ST3GAL3: variants seen among roughly 807,000 people sequenced by gnomAD.
ST3GAL3 encodes CMP-N-acetylneuraminate-beta-1,4-galactoside alpha-2,3-sialyltransferase.
In ST3GAL3, 21 loss-of-function variants were observed where a neutral mutation model predicts 50.1. That is an observed-to-expected ratio of 0.42 (90% CI 0.30 to 0.60). The LOEUF (loss-of-function observed/expected upper bound fraction) is 0.60. Among genes scored for constraint, ST3GAL3 ranks in the 20% least tolerant of loss-of-function variants. The pLI is 0.19. For synonymous variants in ST3GAL3, 183 were observed against 190.0 expected, an observed-to-expected ratio of 0.96 and a Z score of 0.30; for missense variants, 353 against 489.4, an observed-to-expected ratio of 0.72 and a Z score of 2.63.
chr1:43,742,342 A>G (rs905345427), intron 2 of ST3GAL3, among the ~76,000 whole-genome samples: 3 of 152,222 alleles, frequency 2.0e-5, no homozygotes, highest in Non-Finnish European at 4.4e-5. Context: ...AACCCCCAGC[A>G]AGACAGATTT....
At chr1:43,926,554 G>GAGGTTGCAGTGAGCCA (rs2083985464) in intron 11 of ST3GAL3, among the ~76,000 whole-genome samples, 1 of 151,818 alleles carries the variant, frequency 6.6e-6, no homozygotes, top group Non-Finnish European at 1.5e-5. Flanking sequence ...GCAGTGAGCC[G>GAGGTTGCAGTGAGCCA]AGATTGCACC....
intron 4 of ST3GAL3, among the ~76,000 whole-genome samples, chr1:43,820,110 A>C (rs2061902511): frequency 6.6e-6 from 1 of 152,196 alleles, no homozygotes; most frequent in African/African-American, 2.4e-5. Context: ...AAAAACAGAC[A>C]CATAGACCAA....
At chr1:43,895,262 A>G (rs1013701414) in intron 6 of ST3GAL3, among the ~76,000 whole-genome samples, 3 of 152,042 alleles carry the variant, frequency 2.0e-5, no homozygotes, top group African/African-American at 7.2e-5. Context: ...ATCCTGTCCA[A>G]GGCTAACCTT....
At chr1:43,882,226 A>G (rs188875906) in intron 5 of ST3GAL3, among the ~76,000 whole-genome samples, 15 of 152,312 alleles carry the variant, frequency 9.8e-5, no homozygotes, top group Admixed American at 9.2e-4. Flanking sequence ...GTGAATGATA[A>G]GGAGACGAGA....
chr1:43,905,540 C>T (rs1170759661), intron 9 of ST3GAL3, among the ~76,000 whole-genome samples: 3 of 134,158 alleles, frequency 2.2e-5, no homozygotes, highest in Admixed American at 2.2e-4. Flanking sequence ...TTTCCTCCCC[C>T]TCCTTCTGCT....
At chr1:43,761,868 G>A (rs1254127159) in intron 2 of ST3GAL3, among the ~76,000 whole-genome samples, 1 of 148,638 alleles carries the variant, frequency 6.7e-6, no homozygotes, top group African/African-American at 2.5e-5. Context: ...GGAGAATAGC[G>A]TGAACCCAGG....
chr1:43,739,662 T>C (rs1242238624), intron 2 of ST3GAL3, among the ~76,000 whole-genome samples: 1 of 152,204 alleles, frequency 6.6e-6, no homozygotes, highest in African/African-American at 2.4e-5. Context: ...AACACAACAA[T>C]TATTATAATA....
At chr1:43,834,990 G>A (rs951430083) in intron 4 of ST3GAL3, among the ~76,000 whole-genome samples, 16 of 152,134 alleles carry the variant, frequency 1.1e-4, no homozygotes, top group South Asian at 4.1e-4. Context: ...GAGTGGAAGC[G>A]TCTGGTTCCT....
chr1:43,930,562 AG>A lies in ST3GAL3; in HGVS notation c.*347del, dbSNP rs557454654. 21 of 411,638 alleles carry A rather than the reference AG, an allele frequency of 5.1e-5. No homozygotes were observed. The highest frequency in any genetic ancestry group is 3.9e-4 in the South Asian group (17 of 43,220). 25.5% of individuals were successfully genotyped at this position (411,638 alleles called of 1,614,324 possible). A position where few individuals can be genotyped will look rare whatever the true frequency, so the allele number is the denominator to read the frequency against. On this transcript the variant is annotated 3_prime_UTR_variant, in exon 12 of 12. Coordinates refer to ENST00000347631, the MANE Select transcript of ST3GAL3 (RefSeq NM_006279.5). Reference sequence around the variant, plus strand: ...GTATTATCATTTTGTGAATTTGGGTAGGGGGGAGGGTAGGGATAATTTATTT... The same window carrying A: ...GTATTATCATTTTGTGAATTTGGGTAGGGGGAGGGTAGGGATAATTTATTT...
At chr1:43,914,313 G>A (rs889057256) in intron 9 of ST3GAL3, 2 of 152,064 alleles carry the variant, frequency 1.3e-5, no homozygotes, top group African/African-American at 2.4e-5. Context: ...TCACCATTCT[G>A]GGCCTTAGTC....
At position 43,910,918 on chromosome 1, in the gene ST3GAL3, G is replaced by A. The variant is rs137930518; in HGVS notation, c.745-9486G>A. 4.0e-4 allele frequency among the ~76,000 whole-genome samples: 61 copies of A among 152,300 alleles called. No homozygotes were observed. The East Asian group carries it at 0.011, about 26-fold the overall frequency. ...TGAAGAGGAATATGCAGAGCCAAGA[G>A]GGATGTGCCCACCCCAGGTCCATCT... On this transcript the variant is annotated intron_variant, in intron 9 of 11. Coordinates refer to ENST00000347631, the MANE Select transcript of ST3GAL3 (RefSeq NM_006279.5).
chr1:43,922,024 T>G, intron 11 of ST3GAL3: 1 of 315,704 alleles, frequency 3.2e-6, no homozygotes. Flanking sequence ...TCACTCACCA[T>G]TCTCTCACAT....
At chr1:43,838,130 AG>A in intron 4 of ST3GAL3, 88 bp from the exon 5 acceptor site, 1 of 721,626 alleles carries the variant, frequency 1.4e-6, no homozygotes, top group Non-Finnish European at 2.3e-6. Flanking sequence ...AAAAAAAAAA[AG>A]GGTTAAACAC....
chr1:43,748,802 TAAGTG>T (rs1304800504), intron 2 of ST3GAL3, among the ~76,000 whole-genome samples: 4 of 152,118 alleles, frequency 2.6e-5, no homozygotes, highest in Non-Finnish European at 4.4e-5. Context: ...CTCCTGGCCT[TAAGTG>T]AAGATCCTCA....
chr1:43,853,043 T>G (rs1353573250), intron 5 of ST3GAL3, among the ~76,000 whole-genome samples: 3 of 152,252 alleles, frequency 2.0e-5, no homozygotes, highest in East Asian at 1.9e-4. Context: ...AAAACCTAAA[T>G]TGACACATAA....
chr1:43,901,697 GAGGCAC>G (rs2078298965), intron 9 of ST3GAL3, among the ~76,000 whole-genome samples: 1 of 152,184 alleles, frequency 6.6e-6, no homozygotes, highest in Non-Finnish European at 1.5e-5. Context: ...ATTGCAGGAC[GAGGCAC>G]AGGCACAGGC....
intron 3 of ST3GAL3, among the ~76,000 whole-genome samples, chr1:43,805,490 T>A (rs911396905): frequency 6.6e-6 from 1 of 152,222 alleles, no homozygotes; most frequent in Non-Finnish European, 1.5e-5. Flanking sequence ...AGAGCACAGA[T>A]AAGGTGCATT....
intron 1 of ST3GAL3, 41 bp from the exon 2 acceptor site, chr1:43,736,192 G>T (rs1678347906): frequency 1.3e-6 from 2 of 1,541,540 alleles, no homozygotes. Flanking sequence ...TCAATAAGAT[G>T]AGTGCTTTGT....
intron 9 of ST3GAL3, chr1:43,911,145 C>CT (rs66935435): frequency 1.4e-5 from 2 of 143,226 alleles, no homozygotes; most frequent in African/African-American, 2.6e-5. Context: ...GCACAGACTT[C>CT]TTTTTTTTTT....
Sources: allele counts gnomAD v4.1 joint callset (sites outside exome capture counted in the v4.1 genomes callset), GRCh38; gene constraint gnomAD v4.1.1; transcripts MANE v1.5; gene names NCBI Gene and HGNC (gene_info 2026-07-23, HGNC 2026-07-21).